Variants in MBNL3 observed in about 807,000 individuals in gnomAD.
MBNL3 encodes the protein muscleblind like splicing regulator 3.
MBNL3 carries 6 observed loss-of-function variants against 24.5 expected under a neutral mutation model. That is an observed-to-expected ratio of 0.25 (90% CI 0.13 to 0.48). The LOEUF (loss-of-function observed/expected upper bound fraction) is 0.48, where lower values mean the gene tolerates loss of function less well. Ranked by LOEUF, MBNL3 falls within the 20% of genes least tolerant of loss-of-function variation. The pLI is 0.99. For missense variants in MBNL3, 230 were observed against 293.5 expected (o/e 0.78, Z 1.58); for synonymous variants, 100 against 101.7 (o/e 0.98, Z 0.10).
intron 7 of MBNL3, among the ~76,000 whole-genome samples, chrX:132,383,228 C>A (rs955306434): frequency 8.9e-6 from 1 of 111,801 alleles, no homozygotes; most frequent in South Asian, 3.7e-4. Context: ...AATGAATGGC[C>A]AGAGAAAAAT....
At chrX:132,472,976 A>C (rs1227190044) in intron 1 of MBNL3, among the ~76,000 whole-genome samples, 1 of 111,716 alleles carries the variant, frequency 9.0e-6, no homozygotes, top group East Asian at 2.8e-4. Context: ...GTAACACAGA[A>C]CACGGACTTT....
At chrX:132,411,970 T>C (rs1211401455) in intron 2 of MBNL3, among the ~76,000 whole-genome samples, 1 of 111,863 alleles carries the variant, frequency 8.9e-6, no homozygotes, top group African/African-American at 3.3e-5. Flanking sequence ...TCATAAGTTC[T>C]TTCTTCTCCC....
intron 1 of MBNL3, among the ~76,000 whole-genome samples, chrX:132,473,993 G>T (rs1947312882): frequency 9.0e-6 from 1 of 111,598 alleles, no homozygotes; most frequent in South Asian, 3.7e-4. Flanking sequence ...GGTAGAGAAG[G>T]TAGAGATATT....
chrX:132,451,638 C>G (rs1240677699), intron 1 of MBNL3, among the ~76,000 whole-genome samples: 1 of 111,497 alleles, frequency 9.0e-6, no homozygotes, highest in African/African-American at 3.3e-5. Flanking sequence ...AGCTAGACCA[C>G]TTGGCTCCCT....
At chrX:132,483,807 C>G (rs1326548727) in intron 1 of MBNL3, among the ~76,000 whole-genome samples, 1 of 112,022 alleles carries the variant, frequency 8.9e-6, no homozygotes, top group East Asian at 2.8e-4. Flanking sequence ...AAAAGAGGCA[C>G]TATTCATACC....
At chrX:132,486,502 G>T (rs1948016750) in intron 1 of MBNL3, among the ~76,000 whole-genome samples, 1 of 112,224 alleles carries the variant, frequency 8.9e-6, no homozygotes, top group Non-Finnish European at 1.9e-5. Context: ...GTATACAAGT[G>T]CCTGGAAGTA....
At chrX:132,408,754 G>T (rs1175158164) in intron 2 of MBNL3, among the ~76,000 whole-genome samples, 1 of 111,960 alleles carries the variant, frequency 8.9e-6, no homozygotes, top group Admixed American at 9.4e-5. Context: ...GAAAAAAAGA[G>T]AATTACACTT....
intron 2 of MBNL3, among the ~76,000 whole-genome samples, chrX:132,407,636 AATGAGT>A (rs1383553630): frequency 4.5e-5 from 5 of 112,009 alleles, no homozygotes; most frequent in African/African-American, 1.6e-4. Flanking sequence ...CAACATATAT[AATGAGT>A]GTAAGCAGAC....
chrX:132,384,831 A>C, intron 6 of MBNL3, 133 bp from the exon 7 acceptor site: 1 of 453,501 alleles, frequency 2.2e-6, no homozygotes, highest in Non-Finnish European at 3.4e-6. Flanking sequence ...AAGTCCAACA[A>C]TCTCCCATGT....
intron 1 of MBNL3, among the ~76,000 whole-genome samples, chrX:132,469,797 C>T (rs1251112274): frequency 9.0e-6 from 1 of 111,220 alleles, no homozygotes. Flanking sequence ...TATCTGCAAC[C>T]ATCACTACAG....
chrX:132,479,621 A>T (rs192678944), intron 1 of MBNL3, among the ~76,000 whole-genome samples: 1 of 112,144 alleles, frequency 8.9e-6, no homozygotes, highest in East Asian at 2.8e-4. Flanking sequence ...TGAACTGGTA[A>T]TGACCAGCAA....
intron 6 of MBNL3, among the ~76,000 whole-genome samples, 180 bp from the exon 7 acceptor site, chrX:132,384,878 G>C (rs1193401273): frequency 9.0e-6 from 1 of 111,579 alleles, no homozygotes; most frequent in Admixed American, 9.5e-5. Context: ...CACAAACCCA[G>C]GTAATCAAAA....
intron 1 of MBNL3, among the ~76,000 whole-genome samples, chrX:132,453,982 C>T (rs1317704676): frequency 2.7e-5 from 3 of 111,617 alleles, no homozygotes; most frequent in Non-Finnish European, 5.6e-5. Context: ...ATCCCAGCTA[C>T]TCAGGAGGCT....
At chrX:132,489,582 G>A (rs1451809613), upstream of MBNL3, among the ~76,000 whole-genome samples, 2 of 112,019 alleles carry the variant, frequency 1.8e-5, no homozygotes, top group Non-Finnish European at 3.8e-5. Context: ...CCGACCCCAG[G>A]CAGCCCGGGC....
chrX:132,432,261 C>T (rs1346121407), intron 2 of MBNL3: 1 of 111,444 alleles, frequency 9.0e-6, no homozygotes, highest in African/African-American at 3.3e-5. Flanking sequence ...GAGGGGAAAA[C>T]TTCGCTGCAT....
chrX:132,387,498 C>A (rs1207350968), intron 5 of MBNL3, among the ~76,000 whole-genome samples: 42 of 110,859 alleles, frequency 3.8e-4, no homozygotes, highest in Non-Finnish European at 5.7e-5. Context: ...ACAGATATAG[C>A]AGGAAAGAGA....
At chrX:132,428,089 C>G (rs748065003) in intron 2 of MBNL3, among the ~76,000 whole-genome samples, 1 of 111,106 alleles carries the variant, frequency 9.0e-6, no homozygotes, top group South Asian at 3.8e-4. Context: ...TTATGATATA[C>G]AAAAATCCAA....
rs1556295529 is a variant in MBNL3 at position 132,396,477 on chromosome X, C to CCT, written c.343-4144_343-4143insAG. The stretch of plus-strand genomic sequence containing the variant: ...CTATATATATATTCCTATATATATT[C>CCT]ATATATATTCCTATATATATTCCTA... On this transcript the variant is annotated intron_variant, in intron 3 of 8. Coordinates refer to ENST00000370853, the MANE Select transcript of MBNL3 (RefSeq NM_001386889.1). Among the ~76,000 whole-genome samples, 13 of 63,230 alleles carry CCT rather than the reference C, an allele frequency of 2.1e-4. 1 individual carries two copies. The highest frequency in any genetic ancestry group is 1.1e-3 in the Admixed American group (5 of 4,657). 54.9% of individuals were successfully genotyped at this position (63,230 alleles called of 115,157 possible).
intron 3 of MBNL3, among the ~76,000 whole-genome samples, chrX:132,397,153 A>C (rs1939917655): frequency 9.4e-6 from 1 of 106,879 alleles, no homozygotes; most frequent in South Asian, 3.9e-4. Context: ...TCCGTGACTA[A>C]GAATGGGGAA....
Sources: gnomAD v4.1 joint callset for allele counts (sites outside exome capture counted in the v4.1 genomes callset) on GRCh38, gnomAD v4.1.1 for gene constraint, MANE v1.5 for transcripts, NCBI Gene and HGNC (gene_info 2026-07-23, HGNC 2026-07-21) for gene names.